WDR48: variants seen among roughly 807,000 people sequenced by gnomAD.
WDR48 encodes the protein WD repeat-containing protein 48.
Under a neutral mutation model 94.0 loss-of-function variants are expected in WDR48, and 22 were observed. The ratio of observed to expected loss-of-function variants is 0.23; its 90% CI spans 0.17 to 0.33. The LOEUF (loss-of-function observed/expected upper bound fraction) is 0.33, where lower values mean the gene tolerates loss of function less well. WDR48 is among the 10% of genes least tolerant of loss of function. The pLI is 1.00. For synonymous variants in WDR48, 278 were observed against 280.5 expected (o/e 0.99, Z 0.09); for missense variants, 541 against 813.8 (o/e 0.66, Z 4.08).
chr3:39,072,801 G>A (rs1170772607), intron 7 of WDR48, among the ~76,000 whole-genome samples: 1 of 152,154 alleles, frequency 6.6e-6, no homozygotes, highest in African/African-American at 2.4e-5. Context: ...CTATAAAACA[G>A]GACATTCTTT....
intron 11 of WDR48, 111 bp downstream of exon 11, chr3:39,079,919 C>T (rs1379728725): frequency 1.8e-6 from 1 of 543,846 alleles, no homozygotes. Context: ...TGCAGTAATA[C>T]TTTATGGGGT....
chr3:39,065,654 G>A (rs187242061), intron 2 of WDR48, 157 bp from the exon 3 acceptor site: 6 of 472,670 alleles, frequency 1.3e-5, no homozygotes, highest in Middle Eastern at 5.5e-4. Context: ...TTATCTGGAA[G>A]CATCACCTAT....
chr3:39,085,656 T>TA, intron 14 of WDR48, 46 bp downstream of exon 14: 2 of 1,503,730 alleles, frequency 1.3e-6, no homozygotes, highest in Middle Eastern at 3.6e-4. Flanking sequence ...TAGAGGTACT[T>TA]ACTTAAAAGG....
intron 9 of WDR48, 26 bp from the exon 10 acceptor site, chr3:39,078,111 T>C: frequency 1.3e-6 from 2 of 1,550,534 alleles, no homozygotes; most frequent in East Asian, 4.5e-5. Context: ...CATAACATGA[T>C]CAAATAACAA....
In WDR48 at chr3:39,074,951, G is replaced by A; in HGVS notation, c.897+1G>A. The A allele has an allele frequency of 3.7e-6, 6 of 1,613,806 alleles. No homozygotes were observed. Among genetic ancestry groups the A allele is most frequent in the Non-Finnish European group, 5.1e-6 (6 of 1,179,886 alleles). On this transcript the variant is annotated splice_donor_variant, in intron 8 of 18. Transcript: ENST00000302313. LOFTEE classifies it high-confidence loss of function. ...TGAAGAAAAAGCACCAGTTCTCAAG[G>A]TATGTCATATGTTAATATTTTAGTT... is the stretch of plus-strand genomic sequence containing the variant.
chr3:39,079,418 TG>T (rs1218580508), intron 10 of WDR48, among the ~76,000 whole-genome samples: 2 of 152,240 alleles, frequency 1.3e-5, no homozygotes. Flanking sequence ...TGGATAAAGC[TG>T]TTGTCCCTCA....
intron 11 of WDR48, among the ~76,000 whole-genome samples, chr3:39,082,770 G>A (rs1478339206): frequency 6.6e-6 from 1 of 152,186 alleles, no homozygotes; most frequent in Non-Finnish European, 1.5e-5. Context: ...TCTGAATAGA[G>A]GTGTTTGGTG....
rs768634567 is a variant in WDR48 at position 39,089,325 on chromosome 3, A to G, written c.1668+7A>G. 5.6e-6 allele frequency: 9 copies of G among 1,609,664 alleles called. No homozygotes were observed. In the Admixed American group the frequency reaches 1.5e-4, roughly 27 times the overall value. The stretch of plus-strand genomic sequence containing the variant: ...AATTGACATCACTGTGGATGTAAGT[A>G]TCCTCCACTCCCACTTTGCTCTTTT... On this transcript the variant is annotated splice_region_variant and intron_variant, in intron 16 of 18. Coordinates refer to ENST00000302313, the MANE Select transcript of WDR48 (RefSeq NM_020839.4).
At chr3:39,083,778 G>A (rs1360549065) in intron 11 of WDR48, among the ~76,000 whole-genome samples, 1 of 152,198 alleles carries the variant, frequency 6.6e-6, no homozygotes, top group African/African-American at 2.4e-5. Context: ...TTACATGGGA[G>A]ATGGTAGAGT....
intron 1 of WDR48, among the ~76,000 whole-genome samples, chr3:39,060,082 T>A (rs766843559): frequency 3.9e-5 from 6 of 152,206 alleles, no homozygotes; most frequent in African/African-American, 1.2e-4. Flanking sequence ...ATAATAACAT[T>A]GTGATAAAAT....
intron 1 of WDR48, 169 bp downstream of exon 1, chr3:39,052,242 G>C (rs932543835): frequency 1.3e-6 from 1 of 754,840 alleles, no homozygotes; most frequent in East Asian, 3.1e-5. Context: ...GCTTGAGGAA[G>C]GGGCGGGGGT....
At chr3:39,070,136 G>T (rs1428504186) in intron 7 of WDR48, among the ~76,000 whole-genome samples, 3 of 152,194 alleles carry the variant, frequency 2.0e-5, no homozygotes, top group African/African-American at 7.2e-5. Flanking sequence ...TGACTATGTA[G>T]ATATAGTTGA....
chr3:39,057,862 C>T (rs551273754), intron 1 of WDR48, among the ~76,000 whole-genome samples: 1 of 152,324 alleles, frequency 6.6e-6, no homozygotes, highest in South Asian at 2.1e-4. Context: ...ACCTCGTGAT[C>T]TGCCCGCCTT....
chr3:39,092,217 A>C (rs1222934764), intron 17 of WDR48, among the ~76,000 whole-genome samples: 1 of 152,182 alleles, frequency 6.6e-6, no homozygotes, highest in Non-Finnish European at 1.5e-5. Context: ...CTGTTGCCTT[A>C]ATTCACAGTT....
intron 16 of WDR48, chr3:39,090,337 G>T (rs547859760): frequency 2.6e-5 from 4 of 152,104 alleles, no homozygotes; most frequent in African/African-American, 9.7e-5. Context: ...TTGTGGGGTG[G>T]TGGTTTATAT....
Position 39,094,088 on chromosome 3 carries a change from A to G in WDR48, c.1938+22A>G, listed in dbSNP as rs528081864. The G allele has an allele frequency of 1.0e-5, 16 of 1,595,582 alleles. No individual in the cohort carries two copies. In the East Asian group the frequency reaches 3.3e-4, roughly 33 times the overall value. On this transcript the variant is annotated intron_variant, in intron 18 of 18. Transcript: ENST00000302313. Reference sequence around the variant, plus strand: ...CCAGGTAAGTGGACTTGAGGACTACAGCCCCAATTTTTCCAGTGCTGGTGC... The same window carrying G: ...CCAGGTAAGTGGACTTGAGGACTACGGCCCCAATTTTTCCAGTGCTGGTGC...
intron 14 of WDR48, chr3:39,086,366 C>A (rs956902891): frequency 6.6e-6 from 1 of 152,214 alleles, no homozygotes; most frequent in African/African-American, 2.4e-5. Flanking sequence ...CTGCTGGCCA[C>A]CAGGAGTGAG....
intron 11 of WDR48, among the ~76,000 whole-genome samples, chr3:39,080,823 A>T (rs909747584): frequency 6.6e-6 from 1 of 152,228 alleles, no homozygotes; most frequent in African/African-American, 2.4e-5. Context: ...AATGAATGGC[A>T]GAGGCACAGG....
At chr3:39,058,067 G>A (rs544830109) in intron 1 of WDR48, among the ~76,000 whole-genome samples, 11 of 152,156 alleles carry the variant, frequency 7.2e-5, no homozygotes, top group Admixed American at 5.2e-4. Flanking sequence ...ATGGCTTTCC[G>A]CCCATGTTTA....
Sources: allele counts gnomAD v4.1 joint callset (sites outside exome capture counted in the v4.1 genomes callset), GRCh38; gene constraint gnomAD v4.1.1; transcripts MANE v1.5; gene names NCBI Gene and HGNC (gene_info 2026-07-23, HGNC 2026-07-21).